Variants in TNKS observed in about 807,000 individuals in gnomAD.
The protein encoded by TNKS is poly [ADP-ribose] polymerase tankyrase-1.
Under a neutral mutation model 135.8 loss-of-function variants are expected in TNKS, and 72 were observed. That is an observed-to-expected ratio of 0.53 (90% CI 0.44 to 0.64). The LOEUF is 0.64. Among genes scored for constraint, TNKS ranks in the 30% least tolerant of loss-of-function variants. The pLI is 0.00. For synonymous variants in TNKS, 849 were observed against 649.3 expected, an observed-to-expected ratio of 1.31 and a Z score of -4.68; for missense variants, 1,769 against 1,674.0, an observed-to-expected ratio of 1.06 and a Z score of -0.99.
intron 5 of TNKS, among the ~76,000 whole-genome samples, chr8:9,703,483 T>G (rs903052537): frequency 6.6e-6 from 1 of 152,184 alleles, no homozygotes; most frequent in African/African-American, 2.4e-5. Flanking sequence ...TCCACTGGGT[T>G]GCATAATAAG....
chr8:9,767,070 C>G (rs1008320901), intron 25 of TNKS, among the ~76,000 whole-genome samples: 2 of 152,212 alleles, frequency 1.3e-5, no homozygotes, highest in Non-Finnish European at 2.9e-5. Flanking sequence ...CAAAGAACTG[C>G]TAGCTCTAGT....
chr8:9,572,689 C>CTATA (rs2129051768), intron 1 of TNKS, among the ~76,000 whole-genome samples: 1 of 152,260 alleles, frequency 6.6e-6, no homozygotes, highest in Admixed American at 6.5e-5. Flanking sequence ...GGCTGCTGTG[C>CTATA]TATATACCCC....
At chr8:9,618,982 G>C (rs1238307752) in intron 3 of TNKS, among the ~76,000 whole-genome samples, 1 of 152,172 alleles carries the variant, frequency 6.6e-6, no homozygotes, top group Non-Finnish European at 1.5e-5. Flanking sequence ...CAACTTCACA[G>C]TACCCTTCTA....
chr8:9,645,471 A>G (rs917756816), intron 3 of TNKS, among the ~76,000 whole-genome samples: 4 of 152,144 alleles, frequency 2.6e-5, no homozygotes, highest in Non-Finnish European at 5.9e-5. Context: ...CCTCAGAACA[A>G]TTTTAACAGA....
chr8:9,774,472 TA>T (rs1264887256), intron 26 of TNKS, among the ~76,000 whole-genome samples: 1 of 152,160 alleles, frequency 6.6e-6, no homozygotes, highest in Non-Finnish European at 1.5e-5. Context: ...GTTGTGTATT[TA>T]AAAAATAAGT....
chr8:9,709,343 C>G (rs886245670), intron 9 of TNKS, among the ~76,000 whole-genome samples: 1 of 152,120 alleles, frequency 6.6e-6, no homozygotes, highest in African/African-American at 2.4e-5. Flanking sequence ...AAACCTGACC[C>G]ACTTTTTTGG....
chr8:9,573,526 A>T (rs1797837303), intron 1 of TNKS, among the ~76,000 whole-genome samples: 1 of 152,250 alleles, frequency 6.6e-6, no homozygotes, highest in South Asian at 2.1e-4. Context: ...GCCTAACCTT[A>T]AATATGTAAG....
At chr8:9,664,714 C>T (rs1167513402) in intron 3 of TNKS, among the ~76,000 whole-genome samples, 1 of 152,000 alleles carries the variant, frequency 6.6e-6, no homozygotes, top group Non-Finnish European at 1.5e-5. Context: ...TAATGAAGAT[C>T]AGAAAATAAA....
At chr8:9,710,296 C>A (rs757527548) in intron 11 of TNKS, 76 bp downstream of exon 11, 79 of 1,387,930 alleles carry the variant, frequency 5.7e-5, no homozygotes, top group Non-Finnish European at 7.7e-5. Context: ...TTCTCTCTCT[C>A]CGATTTTTCT....
At chr8:9,619,104 G>C (rs1799763590) in intron 3 of TNKS, among the ~76,000 whole-genome samples, 1 of 152,160 alleles carries the variant, frequency 6.6e-6, no homozygotes. Context: ...AATTCTGTTG[G>C]AAGTGTGCTT....
chr8:9,652,881 A>C (rs1161187716), intron 3 of TNKS, among the ~76,000 whole-genome samples: 1 of 152,232 alleles, frequency 6.6e-6, no homozygotes, highest in Non-Finnish European at 1.5e-5. Flanking sequence ...CATGAAACTC[A>C]GAGGAAGGTT....
At chr8:9,772,576 C>G (rs1002273663) in intron 26 of TNKS, among the ~76,000 whole-genome samples, 1 of 151,932 alleles carries the variant, frequency 6.6e-6, no homozygotes, top group South Asian at 2.1e-4. Flanking sequence ...CCTTCTGCCC[C>G]CAACTGCATC....
chr8:9,744,149 A>G (rs1234948094), intron 17 of TNKS, among the ~76,000 whole-genome samples: 1 of 152,176 alleles, frequency 6.6e-6, no homozygotes, highest in South Asian at 2.1e-4. Context: ...TACAAGTTGC[A>G]TGAGAGTTGA....
intron 12 of TNKS, among the ~76,000 whole-genome samples, chr8:9,722,071 A>G (rs1042709347): frequency 3.4e-4 from 5 of 14,832 alleles, no homozygotes; most frequent in African/African-American, 5.7e-4. Flanking sequence ...AAAAAAAAAG[A>G]AAAGAAAAGA....
chr8:9,714,631 C>T (rs1031728596), intron 11 of TNKS, among the ~76,000 whole-genome samples: 2 of 152,058 alleles, frequency 1.3e-5, no homozygotes, highest in Non-Finnish European at 1.5e-5. Context: ...CAAACTTGAC[C>T]TCAGTCCTGA....
chr8:9,571,637 G>A lies in TNKS; in HGVS notation c.674-8522G>A, dbSNP rs532598797. Among the ~76,000 whole-genome samples the A allele has an allele frequency of 1.2e-3, 188 of 152,058 alleles. 1 individual carries two copies. Among genetic ancestry groups the A allele is most frequent in the African/African-American group, 4.2e-3 (176 of 41,486 alleles). On this transcript the variant is annotated intron_variant, in intron 1 of 26. Coordinates refer to ENST00000310430, the MANE Select transcript of TNKS (RefSeq NM_003747.3). ...CACGCCTGGCTATTTTTTTATATTTGTAGTAGAGACGGGGTTTCACCGTGT... is the reference window on the plus strand; with the variant it reads ...CACGCCTGGCTATTTTTTTATATTTATAGTAGAGACGGGGTTTCACCGTGT...
At chr8:9,703,824 T>A (rs1444299543) in intron 5 of TNKS, among the ~76,000 whole-genome samples, 1 of 152,202 alleles carries the variant, frequency 6.6e-6, no homozygotes, top group African/African-American at 2.4e-5. Flanking sequence ...AAACTTTAAA[T>A]TAGCAAAGGT....
intron 25 of TNKS, among the ~76,000 whole-genome samples, chr8:9,766,811 A>T (rs1045642380): frequency 6.6e-6 from 1 of 152,120 alleles, no homozygotes; most frequent in African/African-American, 2.4e-5. Context: ...GCTCTGCAGA[A>T]GTCACAGATT....
chr8:9,648,969 G>A (rs1801026634), intron 3 of TNKS, among the ~76,000 whole-genome samples: 1 of 152,012 alleles, frequency 6.6e-6, no homozygotes, highest in Non-Finnish European at 1.5e-5. Flanking sequence ...AGTGGGATAG[G>A]TTTAGGGTAT....
Sources: gnomAD v4.1 joint callset for allele counts (sites outside exome capture counted in the v4.1 genomes callset) on GRCh38, gnomAD v4.1.1 for gene constraint, MANE v1.5 for transcripts, NCBI Gene and HGNC (gene_info 2026-07-23, HGNC 2026-07-21) for gene names.